The following RNF213 variants were observed in gnomAD, a reference collection of about 807,000 sequenced individuals.
RNF213 encodes ring finger protein 213, also known as E3 ubiquitin-protein ligase RNF213.
Under a neutral mutation model 514.4 loss-of-function variants are expected in RNF213, and 341 were observed. That is an observed-to-expected ratio of 0.66 (90% CI 0.61 to 0.73). The LOEUF is 0.73. Among genes scored for constraint, RNF213 ranks in the 30% least tolerant of loss-of-function variants. The pLI is 0.00. For missense variants in RNF213, 5,767 were observed against 6,615.6 expected (o/e 0.87, Z 4.45); for synonymous variants, 2,655 against 2,658.2 (o/e 1.00, Z 0.04).
At position 80,331,390 on chromosome 17, in the gene RNF213, C is replaced by CTT. The variant is rs35912728; in HGVS notation, c.3518-601_3518-600dup. Among the ~76,000 whole-genome samples the CTT allele has an allele frequency of 8.1e-3, 1,110 of 136,334 alleles. 23 individuals are homozygous for CTT. The highest frequency in any genetic ancestry group is 0.015 in the Middle Eastern group (4 of 262). 89.4% of individuals were successfully genotyped at this position (136,334 alleles called of 152,430 possible). On this transcript the variant is annotated intron_variant, in intron 20 of 67. Transcript: ENST00000582970. ...TCCTCCTGTCCTTGTCAGTTTATGA[C>CTT]TTTTTTTTTTTTTTTTGATATGGAG...
At position 80,386,696 on chromosome 17, in the gene RNF213, C is replaced by T. The variant is rs1004092246; in HGVS notation, c.14727C>T (p.Ser4909=). Residue 4909 remains serine, a synonymous_variant, in exon 63 of 68, where the codon TCC becomes TCT. Transcript: ENST00000582970. ...EKLSKENNSY[S]VDAAEVTELH... is the part of the protein sequence containing the mutation. The stretch of plus-strand genomic sequence containing the variant: ...CTGTCTTTCTGCCCCTCAGCTATTC[C>T]GTGGATGCCGCCGAGGTCACTGAAC... 6.2e-6 allele frequency: 10 copies of T among 1,614,060 alleles called. No homozygotes were observed. Among genetic ancestry groups the T allele is most frequent in the African/African-American group, 2.7e-5 (2 of 74,922 alleles).
chr17:80,307,073 C>A lies in RNF213; in HGVS notation c.2428-55C>A. 3 of 1,541,376 alleles carry A rather than the reference C, an allele frequency of 1.9e-6. No homozygotes were observed. In the Admixed American group the frequency reaches 5.0e-5, roughly 26 times the overall value. On this transcript the variant is annotated intron_variant, in intron 12 of 67. Transcript: ENST00000582970. Reference sequence around the variant, plus strand: ...TTTTTCAGCTCTGTTTTAGCAATGACAGTGGCATTGTGATTCAATCTTTTG... The same window carrying A: ...TTTTTCAGCTCTGTTTTAGCAATGAAAGTGGCATTGTGATTCAATCTTTTG...
At position 80,377,821 on chromosome 17, in the gene RNF213, G is replaced by A. The variant is rs560187103; in HGVS notation, c.13545+25G>A. The A allele has an allele frequency of 1.8e-5, 29 of 1,614,010 alleles. No individual in the cohort carries two copies. In the Admixed American group the frequency reaches 3.5e-4, roughly 19 times the overall value. On this transcript the variant is annotated intron_variant, in intron 54 of 67. Coordinates refer to ENST00000582970, the MANE Select transcript of RNF213 (RefSeq NM_001256071.3). This position sits in a 1 kb window ranked among gnomAD's most constrained non-coding sequence, Gnocchi z 4.1. ...GGTGAGTCTTGGTATTTAAGATAGG[G>A]TTTGAGGGGTGGCGTGCACTCCTGG...
intron 63 of RNF213, 103 bp downstream of exon 63, chr17:80,386,994 G>A (rs2080263814): frequency 1.7e-6 from 2 of 1,144,238 alleles, no homozygotes; most frequent in Non-Finnish European, 1.3e-6. Flanking sequence ...TCACCCTGCA[G>A]TCTGGTCTGT....
Position 80,344,816 on chromosome 17 carries a change from A to T in RNF213, c.6481A>T (p.Ser2161Cys). The change falls in exon 29 of 68, where the codon AGC (serine) becomes TGC (cysteine). Residue 2161 changes from serine (S) to cysteine (C), a missense_variant. Ser to Cys is a moderately radical substitution (Grantham distance 112). Transcript: ENST00000582970. ...TGGGATGGATCTGTGGGAGTTCTGC[A>T]GCGAAACTTTCCAAAGACCTTACCA... The part of the protein sequence containing the change: ...EPGMDLWEFC[S>C]ETFQRPYQYL... 6.2e-7 allele frequency: 1 copy of T among 1,614,198 alleles called. No individual in the cohort carries two copies. The highest frequency in any genetic ancestry group is 8.5e-7 in the Non-Finnish European group (1 of 1,180,038).
At chr17:80,265,511 C>T (rs945891281) in intron 2 of RNF213, among the ~76,000 whole-genome samples, 2 of 152,308 alleles carry the variant, frequency 1.3e-5, no homozygotes, top group African/African-American at 4.8e-5. Context: ...GAACATTTAT[C>T]GAAAACCAAG....
In RNF213 at chr17:80,392,382, TG is replaced by T. The variant is rs1340035307; in HGVS notation, c.15471-961del. On this transcript the variant is annotated intron_variant, in intron 67 of 67. Coordinates refer to ENST00000582970, the MANE Select transcript of RNF213 (RefSeq NM_001256071.3). ...GTAATAGAATACAAGGTTTTTTGAA[TG>T]GTGAGGCCTTGTTTATGCAACCCTG... Among the ~76,000 whole-genome samples, 3 of 152,224 alleles carry T rather than the reference TG, an allele frequency of 2.0e-5. No homozygotes were observed. In the East Asian group the frequency reaches 5.8e-4, roughly 29 times the overall value.
intron 30 of RNF213, 78 bp downstream of exon 30, chr17:80,349,984 G>T: frequency 6.5e-7 from 1 of 1,528,300 alleles, no homozygotes; most frequent in Non-Finnish European, 9.0e-7. Flanking sequence ...GATGGTACCC[G>T]CGCCGGTTAA....
chr17:80,299,627 A>G (rs1433368395), intron 11 of RNF213, among the ~76,000 whole-genome samples: 1 of 152,036 alleles, frequency 6.6e-6, no homozygotes, highest in East Asian at 1.9e-4. Context: ...AACTTGTGTT[A>G]TGGAGTTTTT....
rs766449113 is a variant in RNF213 at position 80,372,715 on chromosome 17, G to C, written c.12732G>C (p.Ser4244=). 1.9e-6 allele frequency: 3 copies of C among 1,613,448 alleles called. No homozygotes were observed. In the Admixed American group the frequency reaches 5.0e-5, roughly 27 times the overall value. ...TCGACAGAGCTGCAGATTTCCTCTC[G>C]GAGCCTGAGGGAGGCCCAGGCAAGT... ...LCLDRAADFL[S]EPEGGPEMAK... The change falls in exon 48 of 68, where the codon TCG becomes TCC. Residue 4244 remains serine (S), a synonymous_variant. Coordinates refer to ENST00000582970, the MANE Select transcript of RNF213 (RefSeq NM_001256071.3).
At chr17:80,291,222 C>T (rs2044716164) in intron 7 of RNF213, among the ~76,000 whole-genome samples, 2 of 151,768 alleles carry the variant, frequency 1.3e-5, no homozygotes, top group Admixed American at 1.3e-4. Context: ...CCATCATGGA[C>T]CTTTTTCTTT....
In RNF213 at chr17:80,370,992, G is replaced by A. The variant is rs184752886; in HGVS notation, c.12426-882G>A. Among the ~76,000 whole-genome samples, 4 of 146,354 alleles carry A rather than the reference G, an allele frequency of 2.7e-5. No homozygotes were observed. In the East Asian group the frequency reaches 5.9e-4, roughly 22 times the overall value. On this transcript the variant is annotated intron_variant, in intron 46 of 67. Transcript: ENST00000582970. ...AAGACATTTTGGGGCAATTTGTGGT[G>A]ATATTAATGAATATGGATTTTTTTT...
intron 36 of RNF213, among the ~76,000 whole-genome samples, chr17:80,356,800 A>G (rs1328812865): frequency 6.6e-6 from 1 of 152,210 alleles, no homozygotes; most frequent in Non-Finnish European, 1.5e-5. Flanking sequence ...TATTTTCCCA[A>G]TAGACATTTT....
rs930484224 is a variant in RNF213, at chr17:80,336,058, C to G, written c.4310-103C>G. 5.1e-5 allele frequency: 46 copies of G among 893,814 alleles called. No homozygotes were observed. In the African/African-American group the frequency reaches 6.0e-4, roughly 12 times the overall value. The allele number at this position is 893,814 out of a possible 1,614,324, so 55.4% of individuals were successfully genotyped here. A position where few individuals can be genotyped will look rare whatever the true frequency, so the allele number is the denominator to read the frequency against. On this transcript the variant is annotated intron_variant, in intron 22 of 67. Transcript: ENST00000582970. ...GAAAGTGGACAGAACCTTAAAAATT[C>G]ATGAAATATCCATTTCAGCTTCAGT...
rs1338651033 is a variant in RNF213, at chr17:80,347,635, G to A, written c.9300G>A (p.Val3100=). ...VKICMETGKM[V]LLLNLQNLYE... Reference sequence around the variant, plus strand: ...TCTGCATGGAAACAGGCAAGATGGTGTTGCTTCTCAACCTGCAGAACCTCT... The same window carrying A: ...TCTGCATGGAAACAGGCAAGATGGTATTGCTTCTCAACCTGCAGAACCTCT... The change falls in exon 29 of 68, where the codon GTG becomes GTA. Residue 3100 remains valine (V), a synonymous_variant. Transcript: ENST00000582970. This position sits in a 1 kb window ranked among gnomAD's most constrained non-coding sequence, Gnocchi z 7.2. 6.2e-7 allele frequency: 1 copy of A among 1,614,020 alleles called. No individual in the cohort carries two copies. Among genetic ancestry groups the A allele is most frequent in the African/African-American group, 1.3e-5 (1 of 74,920 alleles).
intron 3 of RNF213, among the ~76,000 whole-genome samples, chr17:80,277,190 A>G (rs2044093515): frequency 6.6e-6 from 1 of 152,234 alleles, no homozygotes; most frequent in Admixed American, 6.5e-5. Flanking sequence ...TTCCTTTGAT[A>G]TGAAATATCC....
intron 42 of RNF213, among the ~76,000 whole-genome samples, chr17:80,366,699 T>C (rs1439137144): frequency 6.6e-6 from 1 of 152,188 alleles, no homozygotes; most frequent in Non-Finnish European, 1.5e-5. Context: ...ATGTCATCAG[T>C]TATATAAATT....
Position 80,353,880 on chromosome 17 carries a change from T to C in RNF213, c.10579-139T>C. On this transcript the variant is annotated intron_variant, in intron 34 of 67. Coordinates refer to ENST00000582970, the MANE Select transcript of RNF213 (RefSeq NM_001256071.3). The surrounding 1 kb of genome is among the most constrained non-coding windows in gnomAD (Gnocchi z 5.0). Reference sequence around the variant, plus strand: ...CAGTTTGGGGGGTGCAGGGCGGAGGTCGGCGTCTCTTCTTTGTCCGTGAGG... The same window carrying C: ...CAGTTTGGGGGGTGCAGGGCGGAGGCCGGCGTCTCTTCTTTGTCCGTGAGG... The C allele has an allele frequency of 1.6e-6, 2 of 1,253,536 alleles. No individual in the cohort carries two copies. Among genetic ancestry groups the C allele is most frequent in the Non-Finnish European group, 2.3e-6 (2 of 880,812 alleles). 77.7% of individuals were successfully genotyped at this position (1,253,536 alleles called of 1,614,324 possible). A position where few individuals can be genotyped will look rare whatever the true frequency, so the allele number is the denominator to read the frequency against.
At chr17:80,331,863 A>T in intron 20 of RNF213, 143 bp from the exon 21 acceptor site, 1 of 970,646 alleles carries the variant, frequency 1.0e-6, no homozygotes, top group Non-Finnish European at 1.5e-6. Context: ...AGACCTGTGA[A>T]CTCTTCCTGA....
Sources: allele counts gnomAD v4.1 joint callset (sites outside exome capture counted in the v4.1 genomes callset), GRCh38; gene constraint gnomAD v4.1.1; non-coding constraint Gnocchi (gnomAD v3.1); transcripts MANE v1.5; gene names NCBI Gene and HGNC (gene_info 2026-07-23, HGNC 2026-07-21).